ZNF568: variants seen among roughly 807,000 people sequenced by gnomAD.
ZNF568 encodes the protein zinc finger protein 568.
Under a neutral mutation model 18.1 loss-of-function variants are expected in ZNF568, and 11 were observed. That is an observed-to-expected ratio of 0.61 (90% CI 0.38 to 1.00). The LOEUF (loss-of-function observed/expected upper bound fraction) is 1.00. ZNF568 is among the 50% of genes least tolerant of loss of function. The pLI, the probability that ZNF568 is intolerant of heterozygous loss-of-function variation, is 0.01. For missense variants in ZNF568, 639 were observed against 768.2 expected (o/e 0.83, Z 1.99); for synonymous variants, 213 against 246.6 (o/e 0.86, Z 1.28).
chr19:36,946,144 G>T (rs1489322246), intron 6 of ZNF568, among the ~76,000 whole-genome samples: 1 of 151,810 alleles, frequency 6.6e-6, no homozygotes, highest in South Asian at 2.1e-4. Context: ...TAATAAAAAT[G>T]GTTATCTATA....
At chr19:36,924,891 T>C (rs1462875133) in intron 3 of ZNF568, among the ~76,000 whole-genome samples, 1 of 151,972 alleles carries the variant, frequency 6.6e-6, no homozygotes, top group Non-Finnish European at 1.5e-5. Context: ...TTGGGGTAAC[T>C]ATTATTATGT....
At chr19:36,991,114 T>C in intron 2 of ZNF568, 2 of 1,482,020 alleles carry the variant, frequency 1.3e-6, no homozygotes, top group Non-Finnish European at 1.8e-6. Flanking sequence ...CATTTTCTTT[T>C]ATGTTGTCTT....
chr19:36,964,860 T>C (rs1158171883), intron 6 of ZNF568, among the ~76,000 whole-genome samples: 1 of 152,050 alleles, frequency 6.6e-6, no homozygotes, highest in Non-Finnish European at 1.5e-5. Context: ...CAAGAGGTGG[T>C]GGAGCTTGTA....
chr19:36,996,129 C>T (rs1218579794), intron 4 of ZNF568, among the ~76,000 whole-genome samples: 2 of 152,122 alleles, frequency 1.3e-5, no homozygotes, highest in Non-Finnish European at 2.9e-5. Flanking sequence ...CTTTGGGAGG[C>T]TAAGGTGGGC....
At chr19:36,919,224 C>T (rs2073408136) in intron 2 of ZNF568, among the ~76,000 whole-genome samples, 1 of 152,032 alleles carries the variant, frequency 6.6e-6, no homozygotes, top group African/African-American at 2.4e-5. Flanking sequence ...TTTTTGAGCA[C>T]CTACTATGAA....
chr19:36,922,555 A>G, intron 2 of ZNF568, 31 bp from the exon 3 acceptor site: 1 of 415,074 alleles, frequency 2.4e-6, no homozygotes, highest in Non-Finnish European at 4.3e-6. Flanking sequence ...AGAAGGCACC[A>G]GGTAAATTAG....
At chr19:36,996,124 G>A (rs1346901943) in intron 4 of ZNF568, among the ~76,000 whole-genome samples, 1 of 152,094 alleles carries the variant, frequency 6.6e-6, no homozygotes, top group Admixed American at 6.5e-5. Flanking sequence ...CAACACTTTG[G>A]GAGGCTAAGG....
intron 4 of ZNF568, among the ~76,000 whole-genome samples, chr19:36,927,885 TATTATATATATATATATA>T (rs1568381416): frequency 2.0e-4 from 10 of 49,670 alleles, no homozygotes; most frequent in African/African-American, 1.0e-3. Context: ...TATATATATA[TATTATATATATATATATA>T]TTTTTTTTTT....
Position 36,964,258 on chromosome 19 carries a change from AGAAG to A in ZNF568, c.359-10144_359-10141del, listed in dbSNP as rs567998196. Among the ~76,000 whole-genome samples, 553 of 149,394 alleles carry A rather than the reference AGAAG, an allele frequency of 3.7e-3. 2 individuals are homozygous for A. The highest frequency in any genetic ancestry group is 7.2e-3 in the Admixed American group (108 of 15,008). ...CAGTAACTTTGTAAGATCTCCTAAG[AGAAG>A]GAAGGAAGGAAGGAAGGGAGGGAGG... is the stretch of plus-strand genomic sequence containing the variant. On this transcript the variant is annotated intron_variant, in intron 6 of 7. Coordinates refer to the ZNF568 transcript ENST00000427117.
downstream of ZNF568, among the ~76,000 whole-genome samples, chr19:36,981,728 G>A (rs180852611): frequency 3.7e-4 from 56 of 152,046 alleles, no homozygotes; most frequent in East Asian, 9.9e-3. Flanking sequence ...TAAAAAATTA[G>A]CCAGGCATGA....
intron 6 of ZNF568, among the ~76,000 whole-genome samples, chr19:36,947,298 G>A (rs572661327): frequency 1.3e-4 from 20 of 152,312 alleles, no homozygotes; most frequent in African/African-American, 4.3e-4. Context: ...ACAGGTGTAA[G>A]CCACCATGCC....
Position 36,943,127 on chromosome 19 carries a change from T to C in ZNF568, c.358+5885T>C, listed in dbSNP as rs563662092. ...CTTTATTCAATGCAGATTCAAATCT[T>C]TGGCAAGTATACCTCATAGGTGATG... On this transcript the variant is annotated intron_variant, in intron 6 of 6. Coordinates refer to ENST00000333987, the MANE Select transcript of ZNF568 (RefSeq NM_198539.4). Among the ~76,000 whole-genome samples the C allele has an allele frequency of 4.6e-5, 7 of 152,338 alleles. No individual in the cohort carries two copies. The South Asian group carries it at 1.0e-3, about 23-fold the overall frequency.
At chr19:36,962,281 T>A (rs1276290464) in intron 6 of ZNF568, among the ~76,000 whole-genome samples, 1,701 of 117,510 alleles carry the variant, frequency 0.014, 45 homozygotes, top group African/African-American at 0.042. Context: ...TGCAGTGTTT[T>A]TTTTTTTTTT....
exon 3 of ZNF568, chr19:36,991,230 T>C (rs2074421262): frequency 6.5e-7 from 1 of 1,536,548 alleles, no homozygotes; most frequent in South Asian, 1.2e-5. Context: ...GTGGGAATGC[T>C]TGCACTCTGC....
intron 6 of ZNF568, among the ~76,000 whole-genome samples, chr19:36,937,942 T>C (rs2073817462): frequency 1.3e-5 from 2 of 152,214 alleles, no homozygotes; most frequent in African/African-American, 2.4e-5. Flanking sequence ...CTTCCTCTTA[T>C]CCTGGACATG....
chr19:36,996,247 C>A (rs2074470139), intron 4 of ZNF568: 1 of 1,167,722 alleles, frequency 8.6e-7, no homozygotes, highest in African/African-American at 1.6e-5. Flanking sequence ...TTTGTCATTT[C>A]TACTTTCAGG....
rs997019385 is a variant in ZNF568 at position 36,916,493 on chromosome 19, G to T, written c.-354G>T. 1.3e-5 allele frequency: 2 copies of T among 152,418 alleles called. No homozygotes were observed. Among genetic ancestry groups the T allele is most frequent in the African/African-American group, 4.8e-5 (2 of 41,454 alleles). 9.4% of individuals were successfully genotyped at this position (152,418 alleles called of 1,614,324 possible). On this transcript the variant is annotated 5_prime_UTR_variant, in exon 1 of 7. It adds an upstream start codon to the 5' untranslated region. Coordinates refer to ENST00000333987, the MANE Select transcript of ZNF568 (RefSeq NM_198539.4). The surrounding 1 kb of genome is among the most constrained non-coding windows in gnomAD (Gnocchi z 5.3). ...GTGACGCTGCCGAGTCCCCGCAGCA[G>T]GGGGCGAGCAAGGGACTCGCGGTTG...
chr19:36,969,688 G>T (rs1296746516), intron 6 of ZNF568, among the ~76,000 whole-genome samples: 1 of 149,912 alleles, frequency 6.7e-6, no homozygotes, highest in Non-Finnish European at 1.5e-5. Context: ...TCGTTGTCAT[G>T]ATTTCCTCTC....
intron 6 of ZNF568, among the ~76,000 whole-genome samples, chr19:36,967,004 GA>G (rs2074199816): frequency 6.6e-6 from 1 of 152,188 alleles, no homozygotes; most frequent in African/African-American, 2.4e-5. Context: ...TCCTGATGTG[GA>G]AACCATGCAT....
Sources: gnomAD v4.1 joint callset for allele counts (sites outside exome capture counted in the v4.1 genomes callset) on GRCh38, gnomAD v4.1.1 for gene constraint, Gnocchi (gnomAD v3.1) non-coding constraint, MANE v1.5 for transcripts, NCBI Gene and HGNC (gene_info 2026-07-23, HGNC 2026-07-21) for gene names.